The following TRIM9 variants were observed in gnomAD, a reference collection of about 807,000 sequenced individuals.
The protein encoded by TRIM9 is E3 ubiquitin-protein ligase TRIM9.
Under a neutral mutation model 78.3 loss-of-function variants are expected in TRIM9, and 26 were observed. The ratio of observed to expected loss-of-function variants is 0.33; its 90% CI spans 0.24 to 0.46. The LOEUF (loss-of-function observed/expected upper bound fraction) is 0.46, where lower values mean the gene tolerates loss of function less well. TRIM9 is among the 20% of genes least tolerant of loss of function. The pLI is 1.00. For synonymous variants in TRIM9, 398 were observed against 416.5 expected (o/e 0.96, Z 0.54); for missense variants, 787 against 1,036.4 (o/e 0.76, Z 3.30).
rs2064711913 is a variant in TRIM9, at chr14:51,094,080, G to A, written c.822+38C>T. ...TCTGCTGCAAAACCGGATGATCGGA[G>A]ACGCAGGGAGTTAGGAGTGGGTTTT... On this transcript the variant is annotated intron_variant, in intron 1 of 12. Transcript: ENST00000684578. 3.2e-6 allele frequency: 5 copies of A among 1,568,694 alleles called. 1 individual carries two copies. In the South Asian group the frequency reaches 5.7e-5, roughly 18 times the overall value.
chr14:51,038,226 G>C (rs2139948589), intron 1 of TRIM9, among the ~76,000 whole-genome samples: 1 of 152,290 alleles, frequency 6.6e-6, no homozygotes, highest in South Asian at 2.1e-4. Flanking sequence ...AGAAGGATCA[G>C]AGAGAAGCCA....
At chr14:50,981,735 C>T in intron 11 of TRIM9, 65 bp downstream of exon 11, 1 of 1,593,168 alleles carries the variant, frequency 6.3e-7, no homozygotes, top group Middle Eastern at 1.7e-4. Context: ...GGTTTTTGAA[C>T]TGGGGCTCTC....
chr14:51,078,676 ATTAC>A (rs1259622904), intron 1 of TRIM9, among the ~76,000 whole-genome samples: 3 of 152,238 alleles, frequency 2.0e-5, no homozygotes, highest in African/African-American at 4.8e-5. Context: ...ATTTTAAAGT[ATTAC>A]TTACGTGGAA....
chr14:50,999,997 T>C (rs139811584), intron 6 of TRIM9, among the ~76,000 whole-genome samples: 1,640 of 152,298 alleles, frequency 0.011, 13 homozygotes, highest in Non-Finnish European at 0.016. Flanking sequence ...TAGGGCTCCC[T>C]CACCTTGGGA....
chr14:50,981,048 C>A (rs2051820734), intron 11 of TRIM9, among the ~76,000 whole-genome samples: 1 of 151,622 alleles, frequency 6.6e-6, no homozygotes, highest in Non-Finnish European at 1.5e-5. Flanking sequence ...TAAGGTGGAC[C>A]AGGGTCCACA....
chr14:51,006,705 C>T (rs559927214), intron 5 of TRIM9, among the ~76,000 whole-genome samples: 1 of 152,018 alleles, frequency 6.6e-6, no homozygotes, highest in Non-Finnish European at 1.5e-5. Flanking sequence ...TACCAAATGG[C>T]CTGTTAGGTT....
chr14:51,020,281 C>T lies in TRIM9; in HGVS notation c.1041+2554G>A, dbSNP rs528262208. 3.3e-5 allele frequency among the ~76,000 whole-genome samples: 5 copies of T among 152,206 alleles called. No homozygotes were observed. The East Asian group carries it at 5.8e-4, about 18-fold the overall frequency. On this transcript the variant is annotated intron_variant, in intron 3 of 12. Coordinates refer to ENST00000684578, the MANE Select transcript of TRIM9 (RefSeq NM_001387360.1). ...AAAGGCAGGGGGAGAGGAGAGCGAGCGAGCCGTGGAGGCCTGTATCAGTGG... is the reference window on the plus strand; with the variant it reads ...AAAGGCAGGGGGAGAGGAGAGCGAGTGAGCCGTGGAGGCCTGTATCAGTGG...
At chr14:51,014,123 C>T (rs544025501) in intron 3 of TRIM9, among the ~76,000 whole-genome samples, 1 of 152,280 alleles carries the variant, frequency 6.6e-6, no homozygotes, top group African/African-American at 2.4e-5. Context: ...GTTGTGTTTC[C>T]TTTCCAGAGG....
At chr14:50,988,171 T>C (rs2052974607) in intron 7 of TRIM9, among the ~76,000 whole-genome samples, 1 of 152,212 alleles carries the variant, frequency 6.6e-6, no homozygotes, top group African/African-American at 2.4e-5. Flanking sequence ...AGTCAATTCA[T>C]GATATTGAAA....
At chr14:51,087,195 G>T (rs72687177) in intron 1 of TRIM9, among the ~76,000 whole-genome samples, 41,077 of 151,724 alleles carry the variant, frequency 0.27, 5,648 homozygotes, top group Non-Finnish European at 0.29. Flanking sequence ...AGAAACTGGG[G>T]GAGGGCAAGC....
At chr14:51,032,724 G>A (rs571387512) in intron 1 of TRIM9, among the ~76,000 whole-genome samples, 1 of 152,256 alleles carries the variant, frequency 6.6e-6, no homozygotes, top group South Asian at 2.1e-4. Context: ...TTCCTCATCT[G>A]CAACATGGGG....
At chr14:51,033,915 T>C (rs2058934198) in intron 1 of TRIM9, among the ~76,000 whole-genome samples, 1 of 152,212 alleles carries the variant, frequency 6.6e-6, no homozygotes, top group South Asian at 2.1e-4. Context: ...ATATTATATA[T>C]AGAAGAGAAT....
intron 1 of TRIM9, among the ~76,000 whole-genome samples, chr14:51,081,465 T>TA (rs2063302128): frequency 6.6e-6 from 1 of 152,202 alleles, no homozygotes; most frequent in Non-Finnish European, 1.5e-5. Context: ...AACATGGAGT[T>TA]AGCATGTGAC....
At chr14:51,003,410 A>G (rs932318330) in intron 5 of TRIM9, among the ~76,000 whole-genome samples, 3 of 152,070 alleles carry the variant, frequency 2.0e-5, no homozygotes, top group Admixed American at 6.5e-5. Flanking sequence ...TCCTTTGTTC[A>G]TGTTTCAGGT....
At chr14:51,057,687 C>T (rs2060998797) in intron 1 of TRIM9, among the ~76,000 whole-genome samples, 1 of 152,130 alleles carries the variant, frequency 6.6e-6, no homozygotes, top group African/African-American at 2.4e-5. Flanking sequence ...GTTTTATTTT[C>T]TTCTCTATTT....
chr14:51,094,991 G>A lies in TRIM9; in HGVS notation c.-52C>T, dbSNP rs867818868. 6 of 1,336,994 alleles carry A rather than the reference G, an allele frequency of 4.5e-6. No individual in the cohort carries two copies. The highest frequency in any genetic ancestry group is 2.1e-5 in the South Asian group (1 of 46,884). 82.8% of individuals were successfully genotyped at this position (1,336,994 alleles called of 1,614,324 possible). On this transcript the variant is annotated 5_prime_UTR_variant, in exon 1 of 13. Transcript: ENST00000684578. ...ACGGCTGCAGCGGGTGCCTGAGCTG[G>A]CGAGGTGGCCGACGGGCCCGTCTTG...
At chr14:51,068,800 G>T (rs1302255444) in intron 1 of TRIM9, among the ~76,000 whole-genome samples, 1 of 152,226 alleles carries the variant, frequency 6.6e-6, no homozygotes, top group Non-Finnish European at 1.5e-5. Context: ...TGGCACTCTA[G>T]AGCAACTGTT....
In TRIM9 at chr14:51,051,628, T is replaced by C. The variant is rs528097176; in HGVS notation, c.823-26268A>G. ...GCAATTAGCTATTAATAAATCACCC[T>C]AAACTGAGATTGATAGTGAGCTATA... On this transcript the variant is annotated intron_variant, in intron 1 of 12. Transcript: ENST00000684578. Among the ~76,000 whole-genome samples, 10 of 152,236 alleles carry C rather than the reference T, an allele frequency of 6.6e-5. No individual in the cohort carries two copies. In the South Asian group the frequency reaches 2.1e-3, roughly 32 times the overall value.
chr14:51,095,069 G>A lies in TRIM9; in HGVS notation c.-130C>T, dbSNP rs1194284346. On this transcript the variant is annotated 5_prime_UTR_variant, in exon 1 of 13. Coordinates refer to ENST00000684578, the MANE Select transcript of TRIM9 (RefSeq NM_001387360.1). ...TGTGGTGGTGGTGCCTTCCCGCGCA[G>A]CACTGGCACGGACACCCAGAGAGGC... 8 of 595,410 alleles carry A rather than the reference G, an allele frequency of 1.3e-5. No homozygotes were observed. The highest frequency in any genetic ancestry group is 1.8e-5 in the Non-Finnish European group (7 of 391,424). The allele number at this position is 595,410 out of a possible 1,614,324, so 36.9% of individuals were successfully genotyped here. A position where few individuals can be genotyped will look rare whatever the true frequency, so the allele number is the denominator to read the frequency against.
Sources: allele counts gnomAD v4.1 joint callset (sites outside exome capture counted in the v4.1 genomes callset), GRCh38; gene constraint gnomAD v4.1.1; transcripts MANE v1.5; gene names NCBI Gene and HGNC (gene_info 2026-07-23, HGNC 2026-07-21).